COMMD1: variants seen among roughly 807,000 people sequenced by gnomAD.
The protein encoded by COMMD1 is copper metabolism domain containing 1, also known as COMM domain-containing protein 1.
COMMD1 carries 10 observed loss-of-function variants against 17.2 expected under a neutral mutation model. That is an observed-to-expected ratio of 0.58 (90% CI 0.36 to 0.99). COMMD1 has a LOEUF of 0.99. Among genes scored for constraint, COMMD1 ranks in the 50% least tolerant of loss-of-function variants. The pLI is 0.01. For missense variants in COMMD1, 270 were observed against 231.8 expected (o/e 1.17, Z -1.07); for synonymous variants, 97 against 91.6 (o/e 1.06, Z -0.34).
intron 1 of COMMD1, among the ~76,000 whole-genome samples, chr2:61,977,843 C>T (rs1671847309): frequency 6.7e-6 from 1 of 150,126 alleles, no homozygotes; most frequent in African/African-American, 2.4e-5. Context: ...AAAAATTAGC[C>T]CAGGGGGTGG....
chr2:62,022,591 AT>A lies in COMMD1; in HGVS notation c.462+21622del, dbSNP rs773031097. Among the ~76,000 whole-genome samples the A allele has an allele frequency of 6.1e-3, 817 of 134,014 alleles. 2 individuals carry two copies. Among genetic ancestry groups the A allele is most frequent in the Non-Finnish European group, 4.4e-3 (269 of 61,778 alleles). The allele number at this position is 134,014 out of a possible 152,430, so 87.9% of individuals were successfully genotyped here. A position where few individuals can be genotyped will look rare whatever the true frequency, so the allele number is the denominator to read the frequency against. On this transcript the variant is annotated intron_variant, in intron 2 of 2. Transcript: ENST00000311832. ...AATGTGTTTTAATTCTAGTTTCACC[AT>A]TTTTTTTTTTTTGGCCAAATCAATA...
chr2:61,986,105 C>T (rs976948848), intron 1 of COMMD1, among the ~76,000 whole-genome samples: 8 of 151,698 alleles, frequency 5.3e-5, no homozygotes, highest in African/African-American at 1.7e-4. Context: ...AATCTATTTC[C>T]TCTTCATGTT....
intron 1 of COMMD1, among the ~76,000 whole-genome samples, chr2:61,989,255 G>A (rs1672182680): frequency 6.6e-6 from 1 of 152,058 alleles, no homozygotes; most frequent in African/African-American, 2.4e-5. Flanking sequence ...AACAATGGAT[G>A]AACCAAAATT....
chr2:61,983,330 C>T (rs1672007802), intron 1 of COMMD1, among the ~76,000 whole-genome samples: 1 of 151,890 alleles, frequency 6.6e-6, no homozygotes, highest in African/African-American at 2.4e-5. Flanking sequence ...GTTAGGACTA[C>T]AGGCACGTGC....
At chr2:62,021,516 T>G (rs1373911342) in intron 2 of COMMD1, among the ~76,000 whole-genome samples, 3 of 152,150 alleles carry the variant, frequency 2.0e-5, no homozygotes, top group Non-Finnish European at 2.9e-5. Context: ...AAAGACAGAT[T>G]GGAGAAATGG....
At chr2:61,908,955 G>A (rs1239393458) in intron 1 of COMMD1, among the ~76,000 whole-genome samples, 1 of 151,850 alleles carries the variant, frequency 6.6e-6, no homozygotes. Context: ...ACGGAGTATC[G>A]CTCTTGTTGC....
At chr2:62,004,865 G>T (rs939855072) in intron 2 of COMMD1, among the ~76,000 whole-genome samples, 1 of 152,144 alleles carries the variant, frequency 6.6e-6, no homozygotes, top group Non-Finnish European at 1.5e-5. Flanking sequence ...GCTGACATTG[G>T]ATGAGCTTGT....
intron 2 of COMMD1, among the ~76,000 whole-genome samples, chr2:62,027,659 G>GTGTTA (rs879596856): frequency 1.4e-4 from 6 of 43,480 alleles, no homozygotes; most frequent in South Asian, 9.4e-4. Context: ...ATGTTATGTT[G>GTGTTA]TGTTATGTTA....
chr2:62,026,287 G>C (rs1419004446), intron 2 of COMMD1, among the ~76,000 whole-genome samples: 1 of 152,162 alleles, frequency 6.6e-6, no homozygotes, highest in African/African-American at 2.4e-5. Flanking sequence ...CATTTGCTTG[G>C]CTTCTAGGGA....
At chr2:61,987,335 G>A (rs1341007857) in intron 1 of COMMD1, among the ~76,000 whole-genome samples, 1 of 152,072 alleles carries the variant, frequency 6.6e-6, no homozygotes, top group Non-Finnish European at 1.5e-5. Context: ...TCCTCTTTGG[G>A]AAGGCTTTCC....
chr2:62,028,415 A>G lies in COMMD1; in HGVS notation c.462+27433A>G, dbSNP rs995082873. 3.3e-5 allele frequency among the ~76,000 whole-genome samples: 5 copies of G among 152,180 alleles called. No homozygotes were observed. In the East Asian group the frequency reaches 9.6e-4, roughly 29 times the overall value. On this transcript the variant is annotated intron_variant, in intron 2 of 2. Transcript: ENST00000311832. ...ATTATTTTTTAAAAAAATAGTTTTT[A>G]ATGCTTTATCCAAACTGTAACTATG...
chr2:61,945,725 T>C (rs889031674), intron 1 of COMMD1, among the ~76,000 whole-genome samples: 1 of 152,162 alleles, frequency 6.6e-6, no homozygotes, highest in Non-Finnish European at 1.5e-5. Context: ...ATATGTAAGA[T>C]TTACATTGGT....
At chr2:62,011,681 T>C (rs927866065) in intron 2 of COMMD1, among the ~76,000 whole-genome samples, 4 of 152,146 alleles carry the variant, frequency 2.6e-5, no homozygotes, top group African/African-American at 9.7e-5. Context: ...TTTATTATCT[T>C]ATGGAGCTCA....
At chr2:62,044,879 A>G (rs1670337372) in intron 2 of COMMD1, among the ~76,000 whole-genome samples, 1 of 152,118 alleles carries the variant, frequency 6.6e-6, no homozygotes, top group African/African-American at 2.4e-5. Flanking sequence ...TCCTGAATAA[A>G]CTATCAAAGA....
intron 1 of COMMD1, chr2:61,968,922 T>C: frequency 3.6e-6 from 1 of 277,220 alleles, no homozygotes; most frequent in Non-Finnish European, 7.6e-6. Context: ...CGAAACCAGT[T>C]TCAAGGGAAA....
At position 62,048,185 on chromosome 2, in the gene COMMD1, T is replaced by TC. The variant is rs1387183268; in HGVS notation, c.462+47203_462+47204insC. On this transcript the variant is annotated intron_variant, in intron 2 of 2. Coordinates refer to ENST00000311832, the MANE Select transcript of COMMD1 (RefSeq NM_152516.4). ...ATGTGAATGAGGAACTAAATTTCTT[T>TC]TTTTTTTTTTTTTTTGAGATGGAGT... Among the ~76,000 whole-genome samples the TC allele has an allele frequency of 7.5e-4, 111 of 147,930 alleles. 2 individuals are homozygous for TC. The highest frequency in any genetic ancestry group is 2.4e-3 in the African/African-American group (96 of 40,024).
chr2:62,078,733 C>T (rs926195188), intron 2 of COMMD1, among the ~76,000 whole-genome samples: 5 of 150,350 alleles, frequency 3.3e-5, no homozygotes, highest in Non-Finnish European at 5.9e-5. Context: ...TAAAAGTAGC[C>T]GGGCATGGTG....
intron 1 of COMMD1, among the ~76,000 whole-genome samples, chr2:61,966,745 T>C (rs779539280): frequency 1.2e-4 from 19 of 152,074 alleles, no homozygotes; most frequent in Non-Finnish European, 1.9e-4. Flanking sequence ...TATTTTCAAA[T>C]TGTTAAATTG....
At chr2:61,948,447 G>A (rs1031665230) in intron 1 of COMMD1, among the ~76,000 whole-genome samples, 1 of 152,134 alleles carries the variant, frequency 6.6e-6, no homozygotes, top group Non-Finnish European at 1.5e-5. Flanking sequence ...TTAGAATGGA[G>A]CTCTTTTATT....
Sources: gnomAD v4.1 joint callset for allele counts (sites outside exome capture counted in the v4.1 genomes callset) on GRCh38, gnomAD v4.1.1 for gene constraint, MANE v1.5 for transcripts, NCBI Gene and HGNC (gene_info 2026-07-23, HGNC 2026-07-21) for gene names.